Variants in ABCA5 observed in about 807,000 individuals in gnomAD.
The protein encoded by ABCA5 is ATP binding cassette subfamily A member 5.
Under a neutral mutation model 206.0 loss-of-function variants are expected in ABCA5, and 163 were observed. The observed-to-expected ratio is 0.79, with a 90% confidence interval of 0.70 to 0.90. The LOEUF is 0.90. Among genes scored for constraint, ABCA5 ranks in the 40% least tolerant of loss-of-function variants. The probability of loss-of-function intolerance (pLI) is 0.00; values close to 1 mark genes in which losing one functional copy is unlikely to be tolerated. For missense variants in ABCA5, 1,859 were observed against 1,912.9 expected, an observed-to-expected ratio of 0.97 and a Z score of 0.53; for synonymous variants, 609 against 613.8, an observed-to-expected ratio of 0.99 and a Z score of 0.11.
chr17:69,248,203 A>T, intron 38 of ABCA5, 59 bp downstream of exon 38: 6 of 1,029,992 alleles, frequency 5.8e-6, no homozygotes, highest in Non-Finnish European at 7.2e-6. Flanking sequence ...AAACCAAAAC[A>T]ATCGATATCA....
intron 15 of ABCA5, among the ~76,000 whole-genome samples, chr17:69,286,573 C>CTAGA (rs757255291): frequency 9.2e-5 from 14 of 152,290 alleles, no homozygotes; most frequent in Non-Finnish European, 1.8e-4. Flanking sequence ...AGGAGTCTGA[C>CTAGA]TCTAGAGTCT....
rs151035874 is a variant in ABCA5, at chr17:69,290,113, A to G, written c.1607-76T>C. 1,655 of 1,078,718 alleles carry G rather than the reference A, an allele frequency of 1.5e-3. 21 individuals are homozygous for G. In the African/African-American group the frequency reaches 0.023, roughly 15 times the overall value. The allele number at this position is 1,078,718 out of a possible 1,614,324, so 66.8% of individuals were successfully genotyped here. A position where few individuals can be genotyped will look rare whatever the true frequency, so the allele number is the denominator to read the frequency against. ...ATGTTTTCAAGTATCCTGATAACTT[A>G]GTTATTTGGTTATAACAGACATATA... On this transcript the variant is annotated intron_variant, in intron 12 of 38. Coordinates refer to ENST00000392676, the MANE Select transcript of ABCA5 (RefSeq NM_172232.4).
chr17:69,257,413 G>A (rs1018067824), intron 28 of ABCA5, among the ~76,000 whole-genome samples: 8 of 151,636 alleles, frequency 5.3e-5, no homozygotes, highest in African/African-American at 1.9e-4. Flanking sequence ...ATTAAAGCCT[G>A]CAGATTAGTT....
intron 23 of ABCA5, among the ~76,000 whole-genome samples, chr17:69,266,365 G>A (rs1391638081): frequency 6.6e-6 from 1 of 151,982 alleles, no homozygotes; most frequent in Non-Finnish European, 1.5e-5. Context: ...AATTTTACGA[G>A]ATGTTATTAT....
At chr17:69,321,338 A>T (rs1479025698) in intron 1 of ABCA5, among the ~76,000 whole-genome samples, 2 of 152,160 alleles carry the variant, frequency 1.3e-5, no homozygotes, top group Admixed American at 6.5e-5. Context: ...ATATCTGAAA[A>T]CAGGGCTGCA....
In ABCA5 at chr17:69,269,650, C is replaced by T. The variant is rs147416044; in HGVS notation, c.3030+963G>A. Among the ~76,000 whole-genome samples, 607 of 152,258 alleles carry T rather than the reference C, an allele frequency of 4.0e-3. 6 individuals carry two copies. The highest frequency in any genetic ancestry group is 0.02 in the Middle Eastern group (6 of 294). On this transcript the variant is annotated intron_variant, in intron 22 of 38. Coordinates refer to ENST00000392676, the MANE Select transcript of ABCA5 (RefSeq NM_172232.4). ...CAAAAGGTGGAAATAACCCAAATGC[C>T]ATCAACTGATGAACAGATAAGTAGA...
intron 8 of ABCA5, 117 bp from the exon 9 acceptor site, chr17:69,301,403 ATAGAT>A (rs1273354860): frequency 2.6e-5 from 18 of 682,846 alleles, no homozygotes; most frequent in Middle Eastern, 8.7e-4. Flanking sequence ...GGGCCTTTTA[ATAGAT>A]TAAACACTTG....
At chr17:69,274,514 T>G (rs993350510) in intron 19 of ABCA5, among the ~76,000 whole-genome samples, 1 of 151,454 alleles carries the variant, frequency 6.6e-6, no homozygotes, top group Non-Finnish European at 1.5e-5. Context: ...GTGAGCCACC[T>G]TGACCAGCCT....
At chr17:69,279,551 C>T (rs1052017908) in intron 18 of ABCA5, among the ~76,000 whole-genome samples, 1 of 151,546 alleles carries the variant, frequency 6.6e-6, no homozygotes, top group African/African-American at 2.4e-5. Context: ...TCATATGGAA[C>T]CAAAAAAGAG....
At chr17:69,311,719 T>C (rs572525603) in intron 3 of ABCA5, among the ~76,000 whole-genome samples, 1 of 152,268 alleles carries the variant, frequency 6.6e-6, no homozygotes, top group South Asian at 2.1e-4. Context: ...CTCAAACCCC[T>C]GACCTCAGGT....
intron 9 of ABCA5, among the ~76,000 whole-genome samples, chr17:69,298,701 T>C (rs952843201): frequency 3.3e-5 from 5 of 152,188 alleles, no homozygotes; most frequent in Non-Finnish European, 5.9e-5. Flanking sequence ...CAACTCAAGA[T>C]AGATAAAAGA....
chr17:69,307,858 A>G (rs930720876), intron 5 of ABCA5, among the ~76,000 whole-genome samples: 4 of 152,272 alleles, frequency 2.6e-5, no homozygotes, highest in African/African-American at 9.6e-5. Flanking sequence ...AAGATGGTTG[A>G]TATACATTTT....
chr17:69,248,314 TTAGC>T lies in ABCA5; in HGVS notation c.4766-1_4768del, dbSNP rs942117941. On this transcript the variant is annotated splice_acceptor_variant and coding_sequence_variant, in exon 38 of 39. Transcript: ENST00000392676. LOFTEE classifies it high-confidence loss of function. ...ATATTCTTCAATGGCAAAAGCATGT[TTAGC>T]TATTAAAATATAAAAATAGTATTTT... 6.4e-6 allele frequency: 10 copies of T among 1,555,808 alleles called. No individual in the cohort carries two copies. The highest frequency in any genetic ancestry group is 7.9e-6 in the Non-Finnish European group (9 of 1,138,268).
Position 69,305,144 on chromosome 17 carries a change from G to C in ABCA5, c.789-334C>G, listed in dbSNP as rs377504884. Among the ~76,000 whole-genome samples, 212 of 152,142 alleles carry C rather than the reference G, an allele frequency of 1.4e-3. 2 individuals carry two copies. The highest frequency in any genetic ancestry group is 4.9e-3 in the African/African-American group (203 of 41,510). On this transcript the variant is annotated intron_variant, in intron 6 of 38. Coordinates refer to ENST00000392676, the MANE Select transcript of ABCA5 (RefSeq NM_172232.4). Reference sequence around the variant, plus strand: ...ATGTCTCTGATTTTCTTAAAATGTAGGAGTTTAATGAGTCAAGATAACAAT... The same window carrying C: ...ATGTCTCTGATTTTCTTAAAATGTACGAGTTTAATGAGTCAAGATAACAAT...
chr17:69,295,887 A>G (rs1472313854), intron 10 of ABCA5, among the ~76,000 whole-genome samples: 1 of 152,236 alleles, frequency 6.6e-6, no homozygotes, highest in Non-Finnish European at 1.5e-5. Flanking sequence ...AAATCCACAT[A>G]TAAGTGAACT....
In ABCA5 at chr17:69,259,856, T is replaced by G. The variant is rs114934542; in HGVS notation, c.3640-59A>C. 4,316 of 1,141,360 alleles carry G rather than the reference T, an allele frequency of 3.8e-3. 121 individuals are homozygous for G. The African/African-American group carries it at 0.058, about 15-fold the overall frequency. The allele number at this position is 1,141,360 out of a possible 1,614,324, so 70.7% of individuals were successfully genotyped here. On this transcript the variant is annotated intron_variant, in intron 27 of 38. Transcript: ENST00000392676. ...AAGATTTGTTGTTGTTGTTGTTGTT[T>G]TTTCCTTTGCCAACAGAACTAAGAC...
intron 19 of ABCA5, among the ~76,000 whole-genome samples, chr17:69,275,059 G>A (rs1343239359): frequency 3.3e-5 from 5 of 151,918 alleles, no homozygotes; most frequent in Admixed American, 3.3e-4. Context: ...GGCCAGACTG[G>A]TCTCAAACTC....
intron 3 of ABCA5, among the ~76,000 whole-genome samples, chr17:69,312,487 T>C (rs1172607746): frequency 6.6e-6 from 1 of 152,194 alleles, no homozygotes; most frequent in South Asian, 2.1e-4. Flanking sequence ...ACTTCTTCAG[T>C]TTACACCATA....
rs111529012 is a variant in ABCA5 at position 69,285,214 on chromosome 17, T to C, written c.2272+684A>G. On this transcript the variant is annotated intron_variant, in intron 17 of 38. Coordinates refer to ENST00000392676, the MANE Select transcript of ABCA5 (RefSeq NM_172232.4). Reference sequence around the variant, plus strand: ...CTGGTAGAAAATAAGCACATATAAATGTTACTAAAGAATAGGAGATAGGTG... The same window carrying C: ...CTGGTAGAAAATAAGCACATATAAACGTTACTAAAGAATAGGAGATAGGTG... Among the ~76,000 whole-genome samples the C allele has an allele frequency of 3.5e-3, 528 of 152,234 alleles. 4 individuals carry two copies. Among genetic ancestry groups the C allele is most frequent in the African/African-American group, 0.012 (508 of 41,542 alleles).
Sources: gnomAD v4.1 joint callset for allele counts (sites outside exome capture counted in the v4.1 genomes callset) on GRCh38, gnomAD v4.1.1 for gene constraint, MANE v1.5 for transcripts, NCBI Gene and HGNC (gene_info 2026-07-23, HGNC 2026-07-21) for gene names.